Variants in DNER observed in about 807,000 individuals in gnomAD.
DNER encodes delta and Notch-like epidermal growth factor-related receptor.
DNER carries 33 observed loss-of-function variants against 78.2 expected under a neutral mutation model. The observed-to-expected ratio is 0.42, with a 90% confidence interval of 0.32 to 0.56. The LOEUF (loss-of-function observed/expected upper bound fraction) is 0.56. DNER is among the 20% of genes least tolerant of loss of function. DNER has a pLI of 0.11. For synonymous variants in DNER, 417 were observed against 384.8 expected, an observed-to-expected ratio of 1.08 and a Z score of -0.98; for missense variants, 918 against 975.3, an observed-to-expected ratio of 0.94 and a Z score of 0.78.
intron 11 of DNER, among the ~76,000 whole-genome samples, chr2:229,376,000 T>C (rs986454136): frequency 3.9e-5 from 6 of 152,296 alleles, no homozygotes; most frequent in African/African-American, 1.2e-4. Context: ...TTCTTCCCTA[T>C]TCACTCAACA....
chr2:229,470,384 C>T (rs1694899098), intron 7 of DNER, among the ~76,000 whole-genome samples: 1 of 152,030 alleles, frequency 6.6e-6, no homozygotes, highest in Non-Finnish European at 1.5e-5. Flanking sequence ...TGGTCATTCA[C>T]TGAAAGTTAG....
intron 11 of DNER, among the ~76,000 whole-genome samples, chr2:229,384,425 GGAGA>G (rs929628986): frequency 4.6e-5 from 7 of 152,086 alleles, no homozygotes; most frequent in African/African-American, 1.7e-4. Flanking sequence ...CAGAACTGAA[GGAGA>G]GAGAGACAAG....
intron 1 of DNER, chr2:229,701,951 T>C (rs902451958): frequency 7.6e-5 from 13 of 171,064 alleles, no homozygotes; most frequent in Non-Finnish European, 5.1e-5. Context: ...AAACCAGTTG[T>C]AGAGACGGGC....
chr2:229,483,073 G>T (rs1250882397), intron 6 of DNER, among the ~76,000 whole-genome samples: 1 of 152,212 alleles, frequency 6.6e-6, no homozygotes, highest in African/African-American at 2.4e-5. Flanking sequence ...CCATTGATGA[G>T]TATGAGCTTG....
At chr2:229,683,347 G>A (rs1286385998) in intron 1 of DNER, among the ~76,000 whole-genome samples, 3 of 152,076 alleles carry the variant, frequency 2.0e-5, no homozygotes, top group East Asian at 1.9e-4. Flanking sequence ...ACCTTGACAC[G>A]TTGCTGCCTC....
intron 6 of DNER, among the ~76,000 whole-genome samples, chr2:229,479,610 G>A (rs1198042699): frequency 6.6e-6 from 1 of 151,808 alleles, no homozygotes; most frequent in Non-Finnish European, 1.5e-5. Context: ...CTACAGGGGA[G>A]GCTGAGGCAC....
chr2:229,386,640 C>G (rs144771434), intron 11 of DNER, among the ~76,000 whole-genome samples: 2,288 of 150,746 alleles, frequency 0.015, 48 homozygotes, highest in African/African-American at 0.052. Flanking sequence ...AAAAAACAAA[C>G]AACCACATCA....
At chr2:229,697,165 T>C (rs1239937511) in intron 1 of DNER, among the ~76,000 whole-genome samples, 1 of 152,094 alleles carries the variant, frequency 6.6e-6, no homozygotes, top group Admixed American at 6.5e-5. Flanking sequence ...TATTCAGCCA[T>C]AAAAAAGCAA....
At chr2:229,664,252 T>C (rs1301302503) in intron 1 of DNER, among the ~76,000 whole-genome samples, 9 of 152,188 alleles carry the variant, frequency 5.9e-5, no homozygotes, top group East Asian at 1.9e-4. Flanking sequence ...CCCAACCTCA[T>C]TGGTCAAAGA....
At chr2:229,394,011 TGAAAA>T (rs1192876924) in intron 10 of DNER, among the ~76,000 whole-genome samples, 4 of 152,166 alleles carry the variant, frequency 2.6e-5, no homozygotes, top group African/African-American at 7.2e-5. Context: ...CCAAGTTTGA[TGAAAA>T]CTGTAACCAC....
intron 1 of DNER, among the ~76,000 whole-genome samples, chr2:229,636,434 G>A (rs1355816551): frequency 1.3e-5 from 2 of 152,186 alleles, no homozygotes; most frequent in African/African-American, 4.8e-5. Context: ...AGGATAGATG[G>A]GGAAACAGGA....
chr2:229,677,568 T>G (rs1484712900), intron 1 of DNER, among the ~76,000 whole-genome samples: 1 of 152,220 alleles, frequency 6.6e-6, no homozygotes, highest in Admixed American at 6.5e-5. Flanking sequence ...ACCCACTCTC[T>G]TCTTTTCATA....
At chr2:229,688,535 T>C (rs956259295) in intron 1 of DNER, among the ~76,000 whole-genome samples, 7 of 152,210 alleles carry the variant, frequency 4.6e-5, no homozygotes, top group African/African-American at 1.7e-4. Context: ...AAGATGCCGC[T>C]AGATAATGGG....
chr2:229,479,712 C>CAAAAAAAAA (rs1023070502), intron 6 of DNER, among the ~76,000 whole-genome samples: 1 of 79,812 alleles, frequency 1.3e-5, no homozygotes. Context: ...GACTTTGTCT[C>CAAAAAAAAA]AAAAAAAAAA....
chr2:229,683,382 T>A (rs191984879), intron 1 of DNER, among the ~76,000 whole-genome samples: 1 of 152,296 alleles, frequency 6.6e-6, no homozygotes, highest in East Asian at 1.9e-4. Context: ...CTCTTATCAA[T>A]AGTTATTCAG....
At chr2:229,628,470 A>G (rs73093570) in intron 1 of DNER, among the ~76,000 whole-genome samples, 166 of 152,324 alleles carry the variant, frequency 1.1e-3, no homozygotes, top group African/African-American at 3.8e-3. Context: ...CACGGTAGTA[A>G]CAACTAAGTG....
At chr2:229,682,061 G>A (rs1333461115) in intron 1 of DNER, among the ~76,000 whole-genome samples, 1 of 152,136 alleles carries the variant, frequency 6.6e-6, no homozygotes, top group African/African-American at 2.4e-5. Context: ...GAGGGCATAT[G>A]GGGAGATGGC....
chr2:229,424,545 C>G (rs1693833985), intron 8 of DNER, among the ~76,000 whole-genome samples: 1 of 152,156 alleles, frequency 6.6e-6, no homozygotes, highest in Admixed American at 6.5e-5. Flanking sequence ...AGGCCTCTCC[C>G]CTTGGCTTGC....
intron 7 of DNER, among the ~76,000 whole-genome samples, chr2:229,474,752 C>T (rs1025863719): frequency 6.6e-6 from 1 of 152,186 alleles, no homozygotes; most frequent in African/African-American, 2.4e-5. Flanking sequence ...CAACCCACTG[C>T]AAAGCCCCAG....
Sources: allele counts gnomAD v4.1 joint callset (sites outside exome capture counted in the v4.1 genomes callset), GRCh38; gene constraint gnomAD v4.1.1; transcripts MANE v1.5; gene names NCBI Gene and HGNC (gene_info 2026-07-23, HGNC 2026-07-21).